The following ST6GAL1 variants were observed in gnomAD, a reference collection of about 807,000 sequenced individuals.
ST6GAL1 encodes beta-galactoside alpha-2,6-sialyltransferase 1.
A neutral mutation model predicts 38.0 loss-of-function variants in ST6GAL1; 20 were observed. That is an observed-to-expected ratio of 0.53 (90% CI 0.37 to 0.77). ST6GAL1 has a LOEUF of 0.77. Ranked by LOEUF, ST6GAL1 falls within the 30% of genes least tolerant of loss-of-function variation. ST6GAL1 has a pLI of 0.00. For synonymous variants in ST6GAL1, 196 were observed against 188.2 expected, an observed-to-expected ratio of 1.04 and a Z score of -0.34; for missense variants, 432 against 496.4, an observed-to-expected ratio of 0.87 and a Z score of 1.23.
rs1388624942 is a variant in ST6GAL1, at chr3:186,981,627, A to G, written c.-183+17701A>G. ...TCTTGTTATCTCTTATTAGCATTCCAAGTCTTATCTTATTTTTGAATTCTC... is the reference window on the plus strand; with the variant it reads ...TCTTGTTATCTCTTATTAGCATTCCGAGTCTTATCTTATTTTTGAATTCTC... On this transcript the variant is annotated intron_variant, in intron 2 of 7. Coordinates refer to ENST00000169298, the MANE Select transcript of ST6GAL1 (RefSeq NM_173216.2). Among the ~76,000 whole-genome samples the G allele has an allele frequency of 3.9e-5, 6 of 152,268 alleles. No homozygotes were observed. In the East Asian group the frequency reaches 1.2e-3, roughly 29 times the overall value.
At chr3:187,000,145 T>C (rs1269034548) in intron 2 of ST6GAL1, among the ~76,000 whole-genome samples, 1 of 152,166 alleles carries the variant, frequency 6.6e-6, no homozygotes, top group Non-Finnish European at 1.5e-5. Flanking sequence ...ATTTTTAAAA[T>C]GTATCCTGCC....
chr3:187,013,544 G>C (rs1717024161), intron 2 of ST6GAL1, among the ~76,000 whole-genome samples: 1 of 152,210 alleles, frequency 6.6e-6, no homozygotes, highest in South Asian at 2.1e-4. Context: ...CTGTGGAGCA[G>C]TGTTTGAAAT....
At chr3:186,976,792 G>A (rs1183639787) in intron 2 of ST6GAL1, among the ~76,000 whole-genome samples, 1 of 152,216 alleles carries the variant, frequency 6.6e-6, no homozygotes, top group Admixed American at 6.5e-5. Flanking sequence ...TGAAGAAATA[G>A]AGGCTCCTAG....
At position 186,992,891 on chromosome 3, in the gene ST6GAL1, A is replaced by G. The variant is rs955723326; in HGVS notation, c.-183+28965A>G. Among the ~76,000 whole-genome samples the G allele has an allele frequency of 5.3e-5, 8 of 152,352 alleles. No individual in the cohort carries two copies. In the East Asian group the frequency reaches 5.8e-4, roughly 11 times the overall value. ...GCCCCTAAGGTGCTCACAGTCCACT[A>G]TCTATCTAGGTCAGATATTTTCCAC... On this transcript the variant is annotated intron_variant, in intron 2 of 7. Transcript: ENST00000169298.
At chr3:186,959,971 C>G (rs775784138) in intron 1 of ST6GAL1, among the ~76,000 whole-genome samples, 20 of 152,150 alleles carry the variant, frequency 1.3e-4, no homozygotes, top group Non-Finnish European at 2.6e-4. Context: ...CACAGCCTTA[C>G]TGCTGTGACA....
Position 186,984,801 on chromosome 3 carries a change from T to TTCTC in ST6GAL1, c.-183+20877_-183+20878insTCTC, listed in dbSNP as rs1560151098. 4.6e-4 allele frequency among the ~76,000 whole-genome samples: 14 copies of TTCTC among 30,724 alleles called. 1 individual carries two copies. The highest frequency in any genetic ancestry group is 6.8e-4 in the Non-Finnish European group (10 of 14,704). 20.2% of individuals were successfully genotyped at this position (30,724 alleles called of 152,430 possible). On this transcript the variant is annotated intron_variant, in intron 2 of 7. Transcript: ENST00000169298. ...TTCCCTTCCTCCCTTCCTTCCTTCC[T>TTCTC]TCCATCCTTCCTTCCTTCCTTCCTT... is the stretch of plus-strand genomic sequence containing the variant.
chr3:187,072,630 C>G, intron 5 of ST6GAL1: 2 of 518,090 alleles, frequency 3.9e-6, no homozygotes, highest in Non-Finnish European at 3.6e-6. Flanking sequence ...CCTTTCTATT[C>G]TATGGCTAGT....
chr3:187,044,474 C>A (rs1034358034), intron 4 of ST6GAL1, among the ~76,000 whole-genome samples: 1 of 152,214 alleles, frequency 6.6e-6, no homozygotes, highest in African/African-American at 2.4e-5. Context: ...TCTACCTCCC[C>A]AAATAGGCAG....
At chr3:187,031,611 T>C (rs961070300) in intron 2 of ST6GAL1, among the ~76,000 whole-genome samples, 4 of 152,060 alleles carry the variant, frequency 2.6e-5, no homozygotes, top group African/African-American at 9.7e-5. Context: ...AGTTTTGTAT[T>C]TTTAGTAGAG....
rs1467684106 is a variant in ST6GAL1 at position 186,982,036 on chromosome 3, G to A, written c.-183+18110G>A. ...CTATGATACAGGTCACACTGGTATT[G>A]TTTCACAAATGAATAAACGGGCCTA... On this transcript the variant is annotated intron_variant, in intron 2 of 7. Coordinates refer to ENST00000169298, the MANE Select transcript of ST6GAL1 (RefSeq NM_173216.2). Among the ~76,000 whole-genome samples, 4 of 152,314 alleles carry A rather than the reference G, an allele frequency of 2.6e-5. No homozygotes were observed. In the East Asian group the frequency reaches 7.7e-4, roughly 29 times the overall value.
chr3:186,953,877 T>C (rs1012506869), intron 1 of ST6GAL1, among the ~76,000 whole-genome samples: 1 of 152,002 alleles, frequency 6.6e-6, no homozygotes, highest in African/African-American at 2.4e-5. Context: ...TGTGCAGGTT[T>C]GTTACATAGG....
Position 186,996,271 on chromosome 3 carries a change from C to T in ST6GAL1, c.-183+32345C>T, listed in dbSNP as rs185665140. Among the ~76,000 whole-genome samples, 12 of 152,218 alleles carry T rather than the reference C, an allele frequency of 7.9e-5. No individual in the cohort carries two copies. The East Asian group carries it at 2.1e-3, about 27-fold the overall frequency. ...CAGATAGACAATTGTGTTTTTGATACAGTAAGAGTTTGCAGCTTAGCTTAA... is the reference window on the plus strand; with the variant it reads ...CAGATAGACAATTGTGTTTTTGATATAGTAAGAGTTTGCAGCTTAGCTTAA... On this transcript the variant is annotated intron_variant, in intron 2 of 7. Transcript: ENST00000169298.
intron 2 of ST6GAL1, among the ~76,000 whole-genome samples, chr3:186,997,537 C>A (rs571288110): frequency 6.0e-4 from 92 of 152,134 alleles, no homozygotes; most frequent in Non-Finnish European, 1.2e-3. Flanking sequence ...GGGAGGATTG[C>A]TTGAGTCCAG....
At chr3:187,015,544 G>A (rs1053554452) in intron 2 of ST6GAL1, among the ~76,000 whole-genome samples, 7 of 152,126 alleles carry the variant, frequency 4.6e-5, no homozygotes, top group Admixed American at 3.3e-4. Context: ...CAGGCATTAA[G>A]AGTGCAGTCT....
intron 2 of ST6GAL1, among the ~76,000 whole-genome samples, chr3:187,004,389 A>G (rs922854118): frequency 6.6e-6 from 1 of 152,274 alleles, no homozygotes; most frequent in Non-Finnish European, 1.5e-5. Flanking sequence ...CCCAGAGCCC[A>G]GGACTTTTCC....
At chr3:187,037,931 AT>A (rs1210847460) in intron 2 of ST6GAL1, among the ~76,000 whole-genome samples, 2 of 151,238 alleles carry the variant, frequency 1.3e-5, no homozygotes, top group Admixed American at 1.3e-4. Flanking sequence ...TTTTAAATGT[AT>A]TTTTTTTCTG....
At chr3:187,017,596 G>A (rs1255719374) in intron 2 of ST6GAL1, among the ~76,000 whole-genome samples, 1 of 152,154 alleles carries the variant, frequency 6.6e-6, no homozygotes, top group Non-Finnish European at 1.5e-5. Context: ...GGTCCATTTG[G>A]CCTTGGACGG....
chr3:187,054,289 A>T (rs2108589129), intron 5 of ST6GAL1, among the ~76,000 whole-genome samples: 1 of 152,126 alleles, frequency 6.6e-6, no homozygotes, highest in Middle Eastern at 3.4e-3. Flanking sequence ...AATACCCTTT[A>T]TTTCTTTCTC....
intron 2 of ST6GAL1, among the ~76,000 whole-genome samples, chr3:186,981,351 A>G (rs1387970562): frequency 6.6e-6 from 1 of 152,148 alleles, no homozygotes; most frequent in Non-Finnish European, 1.5e-5. Flanking sequence ...GTTTACATTG[A>G]TTTGGATTTT....
Sources: gnomAD v4.1 joint callset for allele counts (sites outside exome capture counted in the v4.1 genomes callset) on GRCh38, gnomAD v4.1.1 for gene constraint, MANE v1.5 for transcripts, NCBI Gene and HGNC (gene_info 2026-07-23, HGNC 2026-07-21) for gene names.